Variants in TCF12 observed in about 807,000 individuals in gnomAD.
TCF12 encodes the protein transcription factor 12.
In TCF12, 45 loss-of-function variants were observed where a neutral mutation model predicts 86.0. The ratio of observed to expected loss-of-function variants is 0.52; its 90% confidence interval spans 0.41 to 0.67. The LOEUF (loss-of-function observed/expected upper bound fraction) is 0.67. Among genes scored for constraint, TCF12 ranks in the 30% least tolerant of loss-of-function variants. The pLI, the probability that TCF12 is intolerant of heterozygous loss-of-function variation, is 0.00. For synonymous variants in TCF12, 330 were observed against 299.6 expected, an observed-to-expected ratio of 1.10 and a Z score of -1.05; for missense variants, 881 against 859.9, an observed-to-expected ratio of 1.02 and a Z score of -0.31.
At chr15:57,002,959 A>T (rs2064137906) in intron 3 of TCF12, among the ~76,000 whole-genome samples, 1 of 152,252 alleles carries the variant, frequency 6.6e-6, no homozygotes, top group African/African-American at 2.4e-5. Flanking sequence ...AGAGTTTACC[A>T]TTTAAAACTA....
Position 57,239,865 on chromosome 15 carries a change from G to A in TCF12, c.1036-3607G>A, listed in dbSNP as rs542436943. On this transcript the variant is annotated intron_variant, in intron 12 of 20. Coordinates refer to ENST00000333725, the MANE Select transcript of TCF12 (RefSeq NM_207037.2). ...AAAAAATTTGGGTTTGGACATAACT[G>A]CGCTTGAGATGAAAAGAGATCCTGT... 1.2e-3 allele frequency among the ~76,000 whole-genome samples: 180 copies of A among 152,252 alleles called. 1 individual carries two copies. The highest frequency in any genetic ancestry group is 2.3e-3 in the Non-Finnish European group (154 of 68,030).
At chr15:57,108,079 A>T (rs1397586675) in intron 5 of TCF12, among the ~76,000 whole-genome samples, 1 of 152,204 alleles carries the variant, frequency 6.6e-6, no homozygotes, top group African/African-American at 2.4e-5. Context: ...AGTGCACTGC[A>T]CTCTTGTACC....
intron 3 of TCF12, among the ~76,000 whole-genome samples, chr15:57,036,363 T>C (rs1443313535): frequency 1.3e-5 from 2 of 152,196 alleles, no homozygotes; most frequent in African/African-American, 4.8e-5. Flanking sequence ...CATTTCTCTT[T>C]GGTAGGTACC....
chr15:57,053,540 C>T (rs1455453628), intron 3 of TCF12, among the ~76,000 whole-genome samples: 1 of 151,464 alleles, frequency 6.6e-6, no homozygotes, highest in Non-Finnish European at 1.5e-5. Flanking sequence ...ATTGACAAGA[C>T]CAGTGTCATG....
rs184425013 is a variant in TCF12 at position 57,254,211 on chromosome 15, G to A, written c.1467+743G>A. ...TGCATGCTGTGAAATGTTCTTCTAC[G>A]AAGCAGATTTTTAGCTATAAGCCAT... On this transcript the variant is annotated intron_variant, in intron 16 of 20. Transcript: ENST00000333725. 1.4e-4 allele frequency among the ~76,000 whole-genome samples: 21 copies of A among 152,226 alleles called. No individual in the cohort carries two copies. The East Asian group carries it at 3.3e-3, about 24-fold the overall frequency.
chr15:57,223,521 C>T (rs755026162), intron 8 of TCF12, among the ~76,000 whole-genome samples: 33 of 151,658 alleles, frequency 2.2e-4, no homozygotes, highest in Non-Finnish European at 4.1e-4. Flanking sequence ...TTTTTGTCAA[C>T]TTTTGTTTAA....
intron 8 of TCF12, 60 bp from the exon 9 acceptor site, chr15:57,231,092 T>G: frequency 7.6e-7 from 1 of 1,322,808 alleles, no homozygotes; most frequent in Non-Finnish European, 1.1e-6. Flanking sequence ...TAGAACTCAT[T>G]TTACATAAGT....
chr15:56,966,286 A>G (rs1294722630), intron 3 of TCF12, among the ~76,000 whole-genome samples: 3 of 152,180 alleles, frequency 2.0e-5, no homozygotes, highest in Non-Finnish European at 4.4e-5. Context: ...ATTAATTTCA[A>G]TGGCAAAAAA....
intron 8 of TCF12, among the ~76,000 whole-genome samples, chr15:57,211,134 A>C (rs1320765114): frequency 2.0e-5 from 3 of 152,242 alleles, no homozygotes; most frequent in African/African-American, 7.2e-5. Context: ...TTGTAGATTA[A>C]CTTGCACATT....
chr15:56,970,524 A>T (rs2062251410), intron 3 of TCF12, among the ~76,000 whole-genome samples: 1 of 149,494 alleles, frequency 6.7e-6, no homozygotes, highest in Non-Finnish European at 1.5e-5. Context: ...TCTTTGGCCC[A>T]TTAAATGAAA....
intron 3 of TCF12, among the ~76,000 whole-genome samples, chr15:56,964,740 G>T: frequency 6.6e-6 from 1 of 152,112 alleles, no homozygotes; most frequent in Non-Finnish European, 1.5e-5. Context: ...CAGAATTTTT[G>T]TACTCTTGTG....
intron 3 of TCF12, among the ~76,000 whole-genome samples, chr15:56,981,159 A>C (rs141773961): frequency 6.6e-4 from 101 of 152,338 alleles, no homozygotes; most frequent in Non-Finnish European, 1.1e-3. Context: ...GAGAGTCTTT[A>C]CTGAAAGTTT....
intron 3 of TCF12, among the ~76,000 whole-genome samples, chr15:56,941,487 C>A (rs913404205): frequency 1.3e-5 from 2 of 151,928 alleles, no homozygotes; most frequent in Non-Finnish European, 2.9e-5. Context: ...ATTCTCCTGC[C>A]TCAGCTTCCT....
chr15:57,114,500 G>C (rs2050711068), intron 5 of TCF12, among the ~76,000 whole-genome samples: 1 of 152,058 alleles, frequency 6.6e-6, no homozygotes, highest in African/African-American at 2.4e-5. Flanking sequence ...GTCTCAGTTT[G>C]TTGCCCATGC....
At chr15:56,987,305 G>T (rs937170085) in intron 3 of TCF12, among the ~76,000 whole-genome samples, 9 of 152,036 alleles carry the variant, frequency 5.9e-5, no homozygotes, top group African/African-American at 2.2e-4. Flanking sequence ...AGTAAAGAGA[G>T]GGTTTCATCA....
intron 3 of TCF12, among the ~76,000 whole-genome samples, chr15:57,055,381 A>T (rs1351245148): frequency 6.6e-6 from 1 of 152,204 alleles, no homozygotes; most frequent in Non-Finnish European, 1.5e-5. Flanking sequence ...GGCCTGGGTG[A>T]CGAGCAAAAA....
chr15:56,921,128 T>A (rs771755018), intron 3 of TCF12, 30 bp downstream of exon 3: 1 of 1,551,990 alleles, frequency 6.4e-7, no homozygotes, highest in Non-Finnish European at 8.8e-7. Context: ...TAAAGACTCA[T>A]ATTTTGGTGG....
intron 5 of TCF12, among the ~76,000 whole-genome samples, chr15:57,117,825 T>G (rs776635237): frequency 2.2e-4 from 34 of 152,212 alleles, no homozygotes; most frequent in Admixed American, 7.2e-4. Context: ...ATTTCCATAG[T>G]GGTTTTATAG....
chr15:57,221,380 T>TGG (rs1447589998), intron 8 of TCF12, among the ~76,000 whole-genome samples: 1 of 57,278 alleles, frequency 1.7e-5, no homozygotes, highest in Non-Finnish European at 3.9e-5. Flanking sequence ...GGTATGTGTG[T>TGG]GGGGTGTGTG....
Sources: gnomAD v4.1 joint callset for allele counts (sites outside exome capture counted in the v4.1 genomes callset) on GRCh38, gnomAD v4.1.1 for gene constraint, MANE v1.5 for transcripts, NCBI Gene and HGNC (gene_info 2026-07-23, HGNC 2026-07-21) for gene names.